Variants in PRKCSH observed in about 807,000 individuals in gnomAD.
The protein encoded by PRKCSH is PRKCSH beta subunit of glucosidase II.
In PRKCSH, 42 loss-of-function variants were observed where a neutral mutation model predicts 79.7. The ratio of observed to expected loss-of-function variants is 0.53; its 90% CI spans 0.41 to 0.68. The LOEUF (loss-of-function observed/expected upper bound fraction) is 0.68. Ranked by LOEUF, PRKCSH falls within the 30% of genes least tolerant of loss-of-function variation. The probability of loss-of-function intolerance (pLI) is 0.00; values close to 1 mark genes in which losing one functional copy is unlikely to be tolerated. For missense variants in PRKCSH, 686 were observed against 709.0 expected, an observed-to-expected ratio of 0.97 and a Z score of 0.37; for synonymous variants, 325 against 288.2, an observed-to-expected ratio of 1.13 and a Z score of -1.29.
At chr19:11,436,299 G>A in intron 2 of PRKCSH, 90 bp from the exon 3 acceptor site, 1 of 1,580,224 alleles carries the variant, frequency 6.3e-7, no homozygotes, top group Non-Finnish European at 8.7e-7. Flanking sequence ...TTTCCCGGTA[G>A]TGCTCCGCTG....
chr19:11,445,214 G>A (rs1396481069), intron 7 of PRKCSH, among the ~76,000 whole-genome samples, 175 bp from the exon 8 acceptor site: 4 of 152,126 alleles, frequency 2.6e-5, no homozygotes, highest in Non-Finnish European at 5.9e-5. Context: ...CTTGCTCTTC[G>A]TCTGTTCTCC....
rs370262547 is a variant in PRKCSH at position 11,449,293 on chromosome 19, A to G, written c.1489A>G (p.Met497Val). The part of the protein sequence containing the change: ...TVRLLCGKET[M>V]VTSTTEPSRC... ...GCGCCTCCTGTGCGGGAAAGAGACCATGGTGACCAGCACCACAGAGCCCAG... is the reference window on the plus strand; with the variant it reads ...GCGCCTCCTGTGCGGGAAAGAGACCGTGGTGACCAGCACCACAGAGCCCAG... The change falls in exon 17 of 18, where the codon ATG becomes GTG. Residue 497 changes from methionine (M) to valine (V), a missense_variant. Physicochemically the swap from Met to Val is conservative, Grantham distance 21. Transcript: ENST00000677123. This position sits in a 1 kb window ranked among gnomAD's most constrained non-coding sequence, Gnocchi z 6.4. The G allele has an allele frequency of 8.1e-5, 131 of 1,613,690 alleles. 1 individual carries two copies. The South Asian group carries it at 1.0e-3, about 12-fold the overall frequency.
At chr19:11,445,299 A>T in intron 7 of PRKCSH, 90 bp from the exon 8 acceptor site, 1 of 1,208,086 alleles carries the variant, frequency 8.3e-7, no homozygotes, top group Non-Finnish European at 1.2e-6. Context: ...GGCATATAGT[A>T]GGCGCTTGGT....
At position 11,441,276 on chromosome 19, in the gene PRKCSH, G is replaced by T. The variant is rs1256444650; in HGVS notation, c.387G>T (p.Gln129His). 1 of 1,614,168 alleles carries T rather than the reference G, an allele frequency of 6.2e-7. No homozygotes were observed. The highest frequency in any genetic ancestry group is 2.2e-5 in the East Asian group (1 of 44,880). ...KGRKERESLQ[Q>H]MAEVTREGFR... is the part of the protein sequence containing the mutation. ...GTAAGGAGAGAGAGTCCCTGCAGCA[G>T]ATGGCCGAGGTCACCCGCGAAGGGT... Residue 129 changes from glutamine to histidine, a missense_variant, in exon 6 of 18, where the codon CAG becomes CAT. This residue lies in a region of PRKCSH where 549 missense variants were observed against 520.2 expected (regional missense o/e 1.06). Transcript: ENST00000677123.
Position 11,442,562 on chromosome 19 carries a change from C to T in PRKCSH, c.598+47C>T. ...ACTCACCTTCAGTCCTGGGTGGGAG[C>T]AGGTCTGGGCCTAGGAGTCTCCCGC... On this transcript the variant is annotated intron_variant, in intron 7 of 17. Coordinates refer to ENST00000677123, the MANE Select transcript of PRKCSH (RefSeq NM_001289104.2). 6.3e-7 allele frequency: 1 copy of T among 1,597,884 alleles called. No homozygotes were observed.
chr19:11,443,040 T>C (rs980535949), intron 7 of PRKCSH, among the ~76,000 whole-genome samples: 10 of 152,166 alleles, frequency 6.6e-5, no homozygotes, highest in Non-Finnish European at 1.0e-4. Context: ...GATTTTGTTA[T>C]ATGACTTTAG....
intron 5 of PRKCSH, among the ~76,000 whole-genome samples, chr19:11,439,633 G>A (rs866527937): frequency 7.5e-4 from 4 of 5,350 alleles, no homozygotes; most frequent in African/African-American, 2.2e-3. Flanking sequence ...TTTTTTTTTT[G>A]TGAGACAGAG....
chr19:11,448,579 C>T lies in PRKCSH; in HGVS notation c.1236C>T (p.Asn412=), dbSNP rs35659524. ...AGATTTCTTTTGACTTTGGCCCCAA[C>T]GGGGAGTTTGCTTACCTGTACAGCC... ...EQEISFDFGP[N]GEFAYLYSQC... The change falls in exon 14 of 18, where the codon AAC becomes AAT. Residue 412 remains asparagine (N), a synonymous_variant. Coordinates refer to ENST00000677123, the MANE Select transcript of PRKCSH (RefSeq NM_001289104.2). The surrounding 1 kb of genome is among the most constrained non-coding windows in gnomAD (Gnocchi z 4.4). 38 of 1,614,216 alleles carry T rather than the reference C, an allele frequency of 2.4e-5. No homozygotes were observed. The highest frequency in any genetic ancestry group is 2.3e-4 in the African/African-American group (17 of 75,056).
chr19:11,449,373 G>T lies in PRKCSH; in HGVS notation c.1569G>T (p.Pro523=), dbSNP rs149505716. The T allele has an allele frequency of 9.3e-6, 15 of 1,613,334 alleles. No homozygotes were observed. The Admixed American group carries it at 2.3e-4, about 25-fold the overall frequency. The change falls in exon 17 of 18, where the codon CCG becomes CCT. Residue 523 remains proline, a synonymous_variant. Coordinates refer to ENST00000677123, the MANE Select transcript of PRKCSH (RefSeq NM_001289104.2). This position sits in a 1 kb window ranked among gnomAD's most constrained non-coding sequence, Gnocchi z 6.4. The part of the protein sequence containing the change: ...LMTPAACPEP[P]PEAPTEDDHD... ...CGCCAGCCGCCTGCCCGGAGCCACC[G>T]CCTGAAGCACCCACCGAAGACGACC...
chr19:11,448,731 G>A lies in PRKCSH; in HGVS notation c.1286+102G>A, dbSNP rs1970444504. ...CTGATGGTTGGGGAACCATCTGCGGGTGGGGCCCGAGAGTGCTGCCTTCCA... is the reference window on the plus strand; with the variant it reads ...CTGATGGTTGGGGAACCATCTGCGGATGGGGCCCGAGAGTGCTGCCTTCCA... On this transcript the variant is annotated intron_variant, in intron 14 of 17. Transcript: ENST00000677123. This position sits in a 1 kb window ranked among gnomAD's most constrained non-coding sequence, Gnocchi z 4.4. 7.3e-7 allele frequency: 1 copy of A among 1,375,546 alleles called. No individual in the cohort carries two copies. The highest frequency in any genetic ancestry group is 1.0e-6 in the Non-Finnish European group (1 of 968,180). 85.2% of individuals were successfully genotyped at this position (1,375,546 alleles called of 1,614,324 possible). A position where few individuals can be genotyped will look rare whatever the true frequency, so the allele number is the denominator to read the frequency against.
rs796367449 is a variant in PRKCSH, at chr19:11,448,257, G to C, written c.1162G>C (p.Glu388Gln). ...QEARNKFEEA[E>Q]RSLKDMEESI... ...GGCCCGCAACAAGTTCGAGGAGGCC[G>C]AGCGGTCGCTGAAGGACATGGAGGA... is the stretch of plus-strand genomic sequence containing the variant. The change falls in exon 13 of 18, where the codon GAG becomes CAG. Residue 388 changes from glutamate to glutamine, a missense_variant. This residue lies in a region of PRKCSH where 549 missense variants were observed against 520.2 expected (regional missense o/e 1.06). Coordinates refer to ENST00000677123, the MANE Select transcript of PRKCSH (RefSeq NM_001289104.2). This position sits in a 1 kb window ranked among gnomAD's most constrained non-coding sequence, Gnocchi z 4.4. The C allele has an allele frequency of 1.9e-6, 3 of 1,569,462 alleles. No individual in the cohort carries two copies. Among genetic ancestry groups the C allele is most frequent in the South Asian group, 1.2e-5 (1 of 85,238 alleles).
At chr19:11,442,320 A>G (rs1599493582) in intron 6 of PRKCSH, 66 bp from the exon 7 acceptor site, 5 of 1,533,936 alleles carry the variant, frequency 3.3e-6, no homozygotes, top group Non-Finnish European at 3.5e-6. Context: ...AGAGGCAGGG[A>G]GGTAGTAGTC....
At chr19:11,442,606 T>C (rs1229160007) in intron 7 of PRKCSH, 91 bp downstream of exon 7, 3 of 1,544,268 alleles carry the variant, frequency 1.9e-6, no homozygotes, top group Non-Finnish European at 2.6e-6. Flanking sequence ...TGTTGTCAGT[T>C]TCAGCAGGTT....
intron 8 of PRKCSH, chr19:11,445,992 C>T (rs374939134): frequency 3.8e-5 from 22 of 572,720 alleles, no homozygotes; most frequent in South Asian, 3.7e-4. Flanking sequence ...GTGCCGGGTC[C>T]TGGGGTGGAA....
intron 5 of PRKCSH, among the ~76,000 whole-genome samples, chr19:11,440,745 G>A (rs1373999222): frequency 1.3e-5 from 2 of 151,986 alleles, no homozygotes; most frequent in Non-Finnish European, 2.9e-5. Context: ...GAGCCACCAC[G>A]CCCAGCCAAC....
chr19:11,446,450 T>A, intron 9 of PRKCSH, 100 bp downstream of exon 9: 1 of 1,375,628 alleles, frequency 7.3e-7, no homozygotes, highest in Non-Finnish European at 1.0e-6. Context: ...CTTGCTGGCC[T>A]GGGATGCCTC....
rs994384696 is a variant in PRKCSH, at chr19:11,449,759, T to A, written c.*16+331T>A. 1 of 347,978 alleles carries A rather than the reference T, an allele frequency of 2.9e-6. No individual in the cohort carries two copies. Among genetic ancestry groups the A allele is most frequent in the African/African-American group, 2.1e-5 (1 of 47,308 alleles). The allele number at this position is 347,978 out of a possible 1,614,324, so 21.6% of individuals were successfully genotyped here. A position where few individuals can be genotyped will look rare whatever the true frequency, so the allele number is the denominator to read the frequency against. On this transcript the variant is annotated intron_variant, in intron 17 of 17. Coordinates refer to ENST00000677123, the MANE Select transcript of PRKCSH (RefSeq NM_001289104.2). This position sits in a 1 kb window ranked among gnomAD's most constrained non-coding sequence, Gnocchi z 6.4. ...CATGTTGGCCTGGATGGTCTCGAAC[T>A]CCTGACCTCAGATGATCCACCTGCC...
At chr19:11,441,540 C>T (rs925821137) in intron 6 of PRKCSH, among the ~76,000 whole-genome samples, 183 bp downstream of exon 6, 10 of 152,090 alleles carry the variant, frequency 6.6e-5, no homozygotes, top group African/African-American at 9.7e-5. Context: ...TAATAGTTCC[C>T]GAGGGGGAGG....
intron 3 of PRKCSH, among the ~76,000 whole-genome samples, chr19:11,437,326 C>G (rs1314452268): frequency 4.0e-5 from 6 of 151,362 alleles, no homozygotes; most frequent in Non-Finnish European, 8.8e-5. Context: ...GCGTGAGCCA[C>G]CGTACCTGGC....
Sources: allele counts gnomAD v4.1 joint callset (sites outside exome capture counted in the v4.1 genomes callset), GRCh38; gene constraint gnomAD v4.1.1; regional missense constraint gnomAD v4.1.1; non-coding constraint Gnocchi (gnomAD v3.1); transcripts MANE v1.5; gene names NCBI Gene and HGNC (gene_info 2026-07-23, HGNC 2026-07-21).